RTN1: variants seen among roughly 807,000 people sequenced by gnomAD.
RTN1 encodes the protein reticulon-1.
Under a neutral mutation model 65.5 loss-of-function variants are expected in RTN1, and 25 were observed. The ratio of observed to expected loss-of-function variants is 0.38; its 90% CI spans 0.28 to 0.53. The LOEUF is 0.53. Ranked by LOEUF, RTN1 falls within the 20% of genes least tolerant of loss-of-function variation. The pLI is 0.79. For synonymous variants in RTN1, 471 were observed against 447.6 expected (o/e 1.05, Z -0.66); for missense variants, 983 against 1,025.4 (o/e 0.96, Z 0.57).
rs1566696485 is a variant in RTN1 at position 59,716,992 on chromosome 14, A to ACAAAC, written c.1765+9926_1765+9927insGTTTG. 2.2e-4 allele frequency among the ~76,000 whole-genome samples: 31 copies of ACAAAC among 139,686 alleles called. 1 individual carries two copies. The South Asian group carries it at 3.3e-3, about 15-fold the overall frequency. The allele number at this position is 139,686 out of a possible 152,430, so 91.6% of individuals were successfully genotyped here. A position where few individuals can be genotyped will look rare whatever the true frequency, so the allele number is the denominator to read the frequency against. On this transcript the variant is annotated intron_variant, in intron 3 of 8. Coordinates refer to ENST00000267484, the MANE Select transcript of RTN1 (RefSeq NM_021136.3). ...CAACAAACAAACAAACAAACAAAAA[A>ACAAAC]AAAAAAAAAAAGAAGTAGAGGTTGA...
chr14:59,632,880 G>C (rs1405337663), intron 3 of RTN1, among the ~76,000 whole-genome samples: 2 of 151,992 alleles, frequency 1.3e-5, no homozygotes, highest in Admixed American at 1.3e-4. Flanking sequence ...TGGATCACTT[G>C]AGCCAGGAGC....
chr14:59,816,223 GCA>G lies in RTN1; in HGVS notation c.241+54165_241+54166del, dbSNP rs959478948. ...CACACACACACAAGCTTGCGTGCGT[GCA>G]CACACACAGACACACACACACACTA... On this transcript the variant is annotated intron_variant, in intron 1 of 8. Coordinates refer to ENST00000267484, the MANE Select transcript of RTN1 (RefSeq NM_021136.3). This position sits in a 1 kb window ranked among gnomAD's most constrained non-coding sequence, Gnocchi z 4.3. Among the ~76,000 whole-genome samples, 3 of 151,652 alleles carry G rather than the reference GCA, an allele frequency of 2.0e-5. No individual in the cohort carries two copies. The highest frequency in any genetic ancestry group is 1.9e-4 in the East Asian group (1 of 5,182).
intron 1 of RTN1, among the ~76,000 whole-genome samples, chr14:59,765,828 T>A (rs1885838637): frequency 6.6e-6 from 1 of 152,148 alleles, no homozygotes; most frequent in African/African-American, 2.4e-5. Flanking sequence ...ACATCTGGTG[T>A]TTGGCGTCCT....
chr14:59,819,408 ACCACCACCCCC>A (rs1886886172), intron 1 of RTN1, among the ~76,000 whole-genome samples: 2 of 18,758 alleles, frequency 1.1e-4, no homozygotes, highest in Non-Finnish European at 8.9e-5. Flanking sequence ...CATCCACACC[ACCACCACCCCC>A]CCCCCACCCC....
At chr14:59,720,246 C>T (rs1249289151) in intron 3 of RTN1, among the ~76,000 whole-genome samples, 1 of 117,580 alleles carries the variant, frequency 8.5e-6, no homozygotes, top group Non-Finnish European at 1.7e-5. Context: ...AGTGAAGCCA[C>T]CATTTTAAAA....
rs1434627774 is a variant in RTN1 at position 59,608,833 on chromosome 14, TTTGGG to T, written c.1766-1346_1766-1342del. 9.2e-5 allele frequency among the ~76,000 whole-genome samples: 14 copies of T among 152,264 alleles called. No homozygotes were observed. The East Asian group carries it at 2.7e-3, about 29-fold the overall frequency. On this transcript the variant is annotated intron_variant, in intron 3 of 8. Coordinates refer to ENST00000267484, the MANE Select transcript of RTN1 (RefSeq NM_021136.3). ...ATAGAGAAGAGGCTCACAAGCATGT[TTTGGG>T]GGTGAAACAGATCTTTTTTTTCTCT...
rs550471522 is a variant in RTN1 at position 59,820,305 on chromosome 14, C to T, written c.241+50085G>A. The stretch of plus-strand genomic sequence containing the variant: ...TCTGGATATTAGACCTTGTTAGACA[C>T]ATAGCTTGTGAATACTTTCTCCCAT... On this transcript the variant is annotated intron_variant, in intron 1 of 8. Coordinates refer to ENST00000267484, the MANE Select transcript of RTN1 (RefSeq NM_021136.3). Among the ~76,000 whole-genome samples the T allele has an allele frequency of 3.2e-4, 46 of 145,472 alleles. No homozygotes were observed. The East Asian group carries it at 5.9e-3, about 19-fold the overall frequency.
intron 3 of RTN1, among the ~76,000 whole-genome samples, chr14:59,695,700 AC>A (rs1884049310): frequency 6.6e-6 from 1 of 152,170 alleles, no homozygotes; most frequent in Admixed American, 6.5e-5. Context: ...AGGTGACAAA[AC>A]ATTACCATCT....
intron 1 of RTN1, among the ~76,000 whole-genome samples, chr14:59,813,870 G>A (rs74061321): frequency 3.0e-4 from 45 of 152,216 alleles, no homozygotes; most frequent in African/African-American, 9.9e-4. Flanking sequence ...TAAATATGAT[G>A]TGTTCAATTT....
In RTN1 at chr14:59,654,432, G is replaced by GAA. The variant is rs1555353831; in HGVS notation, c.1766-46942_1766-46941dup. ...TGACAGAGCGAGACTCTGTCTCTGT[G>GAA]AAAAAAAAAAAAAAAGGAGGAGGGA... On this transcript the variant is annotated intron_variant, in intron 3 of 8. Coordinates refer to ENST00000267484, the MANE Select transcript of RTN1 (RefSeq NM_021136.3). 6.3e-4 allele frequency among the ~76,000 whole-genome samples: 69 copies of GAA among 108,826 alleles called. No individual in the cohort carries two copies. In the South Asian group the frequency reaches 7.7e-3, roughly 12 times the overall value. 71.4% of individuals were successfully genotyped at this position (108,826 alleles called of 152,430 possible).
chr14:59,831,760 C>G (rs1463833029), intron 1 of RTN1, among the ~76,000 whole-genome samples: 1 of 151,600 alleles, frequency 6.6e-6, no homozygotes, highest in Non-Finnish European at 1.5e-5. Flanking sequence ...TATATATAAT[C>G]CATATATATA....
intron 3 of RTN1, among the ~76,000 whole-genome samples, chr14:59,718,265 C>T (rs1205087818): frequency 2.6e-5 from 4 of 152,172 alleles, no homozygotes; most frequent in African/African-American, 7.2e-5. Flanking sequence ...CAATAGAGAC[C>T]ATGGCCGACT....
chr14:59,822,881 T>TG (rs1886966812), intron 1 of RTN1, among the ~76,000 whole-genome samples: 1 of 148,170 alleles, frequency 6.7e-6, no homozygotes, highest in African/African-American at 2.5e-5. Flanking sequence ...TAATTTGGGT[T>TG]TTTTTTTTTT....
intron 1 of RTN1, among the ~76,000 whole-genome samples, chr14:59,772,348 G>A (rs770177391): frequency 4.6e-5 from 7 of 151,824 alleles, no homozygotes; most frequent in Non-Finnish European, 7.4e-5. Flanking sequence ...CTTTACAAAT[G>A]TTCTAATTAT....
At chr14:59,603,361 G>A (rs1041814085) in intron 6 of RTN1, 103 bp from the exon 7 acceptor site, 20 of 841,976 alleles carry the variant, frequency 2.4e-5, no homozygotes, top group Non-Finnish European at 3.3e-5. Flanking sequence ...GCATTATTTG[G>A]AATATACAGC....
rs564355209 is a variant in RTN1, at chr14:59,596,104, A to G, written c.*641T>C. The G allele has an allele frequency of 2.0e-5, 3 of 152,810 alleles. No individual in the cohort carries two copies. The highest frequency in any genetic ancestry group is 2.1e-4 in the South Asian group (1 of 4,830). The allele number at this position is 152,810 out of a possible 1,614,324, so 9.5% of individuals were successfully genotyped here. On this transcript the variant is annotated 3_prime_UTR_variant, in exon 9 of 9. Transcript: ENST00000267484. ...TAATACAAATTGTAATAAAGTTAACATGCTGGTACTTTTTAGTAACCATAC... is the reference window on the plus strand; with the variant it reads ...TAATACAAATTGTAATAAAGTTAACGTGCTGGTACTTTTTAGTAACCATAC...
intron 8 of RTN1, 124 bp from the exon 9 acceptor site, chr14:59,596,911 T>C: frequency 1.4e-6 from 1 of 703,154 alleles, no homozygotes; most frequent in East Asian, 2.7e-5. Flanking sequence ...TTATAGTCTT[T>C]ATGTAAGTAC....
At position 59,870,638 on chromosome 14, in the gene RTN1, G is replaced by C; in HGVS notation, c.-8C>G. ...ATCCCCCGGCGCGGCCATGGCTGGC[G>C]GTCCCCCGGCGCGGCGACGGCGGCT... On this transcript the variant is annotated 5_prime_UTR_variant, in exon 1 of 9. Transcript: ENST00000267484. The surrounding 1 kb of genome is among the most constrained non-coding windows in gnomAD (Gnocchi z 5.1). 2 of 1,378,870 alleles carry C rather than the reference G, an allele frequency of 1.5e-6. No homozygotes were observed. 85.4% of individuals were successfully genotyped at this position (1,378,870 alleles called of 1,614,324 possible).
intron 3 of RTN1, among the ~76,000 whole-genome samples, chr14:59,613,327 C>G (rs1375494541): frequency 1.3e-5 from 2 of 152,144 alleles, no homozygotes; most frequent in Non-Finnish European, 2.9e-5. Context: ...GACATGGTGT[C>G]TCACTCTGTC....
Sources: gnomAD v4.1 joint callset for allele counts (sites outside exome capture counted in the v4.1 genomes callset) on GRCh38, gnomAD v4.1.1 for gene constraint, Gnocchi (gnomAD v3.1) non-coding constraint, MANE v1.5 for transcripts, NCBI Gene and HGNC (gene_info 2026-07-23, HGNC 2026-07-21) for gene names.